UBE2Q1: variants seen among roughly 807,000 people sequenced by gnomAD.
UBE2Q1 encodes ubiquitin conjugating enzyme E2 Q1.
Under a neutral mutation model 60.1 loss-of-function variants are expected in UBE2Q1, and 6 were observed. The observed-to-expected ratio is 0.10, with a 90% confidence interval of 0.05 to 0.20. UBE2Q1 has a LOEUF of 0.20. Among genes scored for constraint, UBE2Q1 ranks in the 10% least tolerant of loss-of-function variants. UBE2Q1 has a pLI of 1.00. For missense variants in UBE2Q1, 262 were observed against 525.8 expected (o/e 0.50, Z 4.91); for synonymous variants, 226 against 208.3 (o/e 1.09, Z -0.73).
rs749142789 is a variant in UBE2Q1 at position 154,553,202 on chromosome 1, G to C, written c.589-30C>G. ...AGGAGGTGTGGGGTGGGAGTGAAAAGAAAAGGAAAAAAACCGACACAGGTT... is the reference window on the plus strand; with the variant it reads ...AGGAGGTGTGGGGTGGGAGTGAAAACAAAAGGAAAAAAACCGACACAGGTT... On this transcript the variant is annotated intron_variant, in intron 4 of 12. Coordinates refer to ENST00000292211, the MANE Select transcript of UBE2Q1 (RefSeq NM_017582.7). 28 of 1,589,384 alleles carry C rather than the reference G, an allele frequency of 1.8e-5. No individual in the cohort carries two copies. The African/African-American group carries it at 3.8e-4, about 22-fold the overall frequency.
At chr1:154,552,299 A>T in intron 7 of UBE2Q1, 105 bp downstream of exon 7, 1 of 1,589,584 alleles carries the variant, frequency 6.3e-7, no homozygotes, top group East Asian at 2.2e-5. Flanking sequence ...CCGCTCCGGG[A>T]CCCTGAATGA....
rs983805577 is a variant in UBE2Q1 at position 154,551,184 on chromosome 1, T to C, written c.1171-180A>G. 4.0e-5 allele frequency: 35 copies of C among 869,608 alleles called. No homozygotes were observed. In the Admixed American group the frequency reaches 8.3e-4, roughly 21 times the overall value. 53.9% of individuals were successfully genotyped at this position (869,608 alleles called of 1,614,324 possible). A position where few individuals can be genotyped will look rare whatever the true frequency, so the allele number is the denominator to read the frequency against. ...GAGGCATAATCCCATAGTCTTCCTT[T>C]TCCAGACCCGAAACCTCCCAAAAGT... On this transcript the variant is annotated intron_variant, in intron 11 of 12. Transcript: ENST00000292211.
chr1:154,551,882 G>A (rs1360387244), intron 9 of UBE2Q1, 39 bp downstream of exon 9: 2 of 1,614,152 alleles, frequency 1.2e-6, no homozygotes, highest in Non-Finnish European at 1.7e-6. Context: ...CCCGCCCTCT[G>A]CCAGAGGAGA....
Position 154,550,895 on chromosome 1 carries a change from G to A in UBE2Q1, c.1237+43C>T, listed in dbSNP as rs762908945. The A allele has an allele frequency of 5.0e-6, 8 of 1,613,822 alleles. No homozygotes were observed. The East Asian group carries it at 1.8e-4, about 36-fold the overall frequency. On this transcript the variant is annotated intron_variant, in intron 12 of 12. Transcript: ENST00000292211. Reference sequence around the variant, plus strand: ...TGTGGCTGGAAGTGAAAACCTGGGTGTGGCAAGTGTCCGAATCTCCTGAGT... The same window carrying A: ...TGTGGCTGGAAGTGAAAACCTGGGTATGGCAAGTGTCCGAATCTCCTGAGT...
intron 12 of UBE2Q1, 63 bp from the exon 13 acceptor site, chr1:154,550,532 A>C: frequency 6.2e-7 from 1 of 1,609,706 alleles, no homozygotes; most frequent in Admixed American, 1.7e-5. Flanking sequence ...GTCCTGCCCC[A>C]ATCCCTGAAG....
Position 154,552,130 on chromosome 1 carries a change from T to C in UBE2Q1, c.929A>G (p.Glu310Gly). Residue 310 changes from glutamate (E) to glycine (G), a missense_variant, in exon 8 of 13, where the codon GAA (glutamate) becomes GGA (glycine). Glu to Gly is a moderately conservative substitution (Grantham distance 98). Coordinates refer to ENST00000292211, the MANE Select transcript of UBE2Q1 (RefSeq NM_017582.7). ...GTTAAGTAGAATGAAGTCGGCTCCT[T>C]CTTTCTCTTTGAGGATCTGGAGATC... ...HNDLQILKEKEGADFILLNFS... is the reference protein window; with the variant it reads ...HNDLQILKEKGGADFILLNFS... 1.2e-6 allele frequency: 2 copies of C among 1,614,242 alleles called. No homozygotes were observed. The highest frequency in any genetic ancestry group is 1.1e-5 in the South Asian group (1 of 91,092).
At position 154,549,928 on chromosome 1, in the gene UBE2Q1, C is replaced by G. The variant is rs1695764098; in HGVS notation, c.*510G>C. On this transcript the variant is annotated 3_prime_UTR_variant, in exon 13 of 13. Coordinates refer to ENST00000292211, the MANE Select transcript of UBE2Q1 (RefSeq NM_017582.7). ...ACCCCTCCCCACCTCCCAAGTAGTT[C>G]AGGGGATGGGGTGGGATGTGCGAAT... 1 of 152,742 alleles carries G rather than the reference C, an allele frequency of 6.5e-6. No individual in the cohort carries two copies. Among genetic ancestry groups the G allele is most frequent in the Non-Finnish European group, 1.5e-5 (1 of 68,268 alleles). 9.5% of individuals were successfully genotyped at this position (152,742 alleles called of 1,614,324 possible). A position where few individuals can be genotyped will look rare whatever the true frequency, so the allele number is the denominator to read the frequency against.
rs1557844978 is a variant in UBE2Q1 at position 154,552,726 on chromosome 1, G to A, written c.814+10C>T. The A allele has an allele frequency of 1.2e-6, 2 of 1,613,206 alleles. No homozygotes were observed. The highest frequency in any genetic ancestry group is 8.5e-7 in the Non-Finnish European group (1 of 1,179,482). Reference sequence around the variant, plus strand: ...ACTCTTGTGCAGGCCCCTCTCTGGGGCAAACTCACCGCCTTTGAAACTCTG... The same window carrying A: ...ACTCTTGTGCAGGCCCCTCTCTGGGACAAACTCACCGCCTTTGAAACTCTG... On this transcript the variant is annotated intron_variant, in intron 6 of 12. Transcript: ENST00000292211.
chr1:154,551,289 C>G (rs967223989), intron 11 of UBE2Q1, 108 bp downstream of exon 11: 1 of 1,202,434 alleles, frequency 8.3e-7, no homozygotes, highest in Non-Finnish European at 1.2e-6. Flanking sequence ...GCCACCAGCC[C>G]GGGGGCCTTA....
At position 154,558,214 on chromosome 1, in the gene UBE2Q1, A is replaced by AG. The variant is rs1557846791; in HGVS notation, c.327+12dup. The AG allele has an allele frequency of 6.6e-7, 1 of 1,513,592 alleles. No individual in the cohort carries two copies. The highest frequency in any genetic ancestry group is 1.4e-5 in the African/African-American group (1 of 69,386). The allele number at this position is 1,513,592 out of a possible 1,614,324, so 93.8% of individuals were successfully genotyped here. On this transcript the variant is annotated intron_variant, in intron 1 of 12. Transcript: ENST00000292211. Reference sequence around the variant, plus strand: ...AGGGGCCCCCACAGAGGCGCACGCGAGGGGGTCCTCACCGTGATGTTGCAG... The same window carrying AG: ...AGGGGCCCCCACAGAGGCGCACGCGAGGGGGGTCCTCACCGTGATGTTGCAG...
At chr1:154,551,665 G>A in intron 10 of UBE2Q1, 106 bp downstream of exon 10, 1 of 1,534,396 alleles carries the variant, frequency 6.5e-7, no homozygotes, top group Non-Finnish European at 9.0e-7. Context: ...CCAGCAGAAT[G>A]AAAGGGCCAC....
intron 8 of UBE2Q1, 51 bp downstream of exon 8, chr1:154,552,042 C>T (rs1695798011): frequency 1.1e-5 from 17 of 1,613,966 alleles, no homozygotes; most frequent in Non-Finnish European, 1.4e-5. Flanking sequence ...GACTGTCAGG[C>T]AGACTGGGCA....
At chr1:154,551,593 T>C in intron 10 of UBE2Q1, 101 bp from the exon 11 acceptor site, 2 of 1,449,364 alleles carry the variant, frequency 1.4e-6, no homozygotes, top group East Asian at 2.3e-5. Context: ...AGGAGGGCCC[T>C]TGCCCTTTGC....
chr1:154,551,874 C>T (rs373987444), intron 9 of UBE2Q1, 47 bp downstream of exon 9: 51 of 1,614,086 alleles, frequency 3.2e-5, no homozygotes, highest in Non-Finnish European at 4.1e-5. Context: ...GTCTCTTCCC[C>T]GCCCTCTGCC....
chr1:154,557,311 C>T (rs1695908948), intron 1 of UBE2Q1, among the ~76,000 whole-genome samples: 1 of 152,198 alleles, frequency 6.6e-6, no homozygotes, highest in South Asian at 2.1e-4. Flanking sequence ...GAGAGAATAC[C>T]ATCACAGCAG....
At chr1:154,550,608 G>A (rs1428909817) in intron 12 of UBE2Q1, 139 bp from the exon 13 acceptor site, 1 of 1,518,246 alleles carries the variant, frequency 6.6e-7, no homozygotes, top group Admixed American at 2.2e-5. Context: ...GAGGTGTATG[G>A]GAAGCTGAGA....
intron 3 of UBE2Q1, 71 bp from the exon 4 acceptor site, chr1:154,554,856 C>T (rs1321540810): frequency 5.8e-5 from 88 of 1,527,724 alleles, no homozygotes; most frequent in Non-Finnish European, 7.5e-5. Context: ...CCAACCTACT[C>T]CCCTGAGCCC....
chr1:154,550,901 A>G (rs766110477), intron 12 of UBE2Q1, 37 bp downstream of exon 12: 79 of 1,613,788 alleles, frequency 4.9e-5, no homozygotes, highest in Non-Finnish European at 6.6e-5. Context: ...GGGTGTGGCA[A>G]GTGTCCGAAT....
rs1695783442 is a variant in UBE2Q1 at position 154,551,059 on chromosome 1, C to T, written c.1171-55G>A. On this transcript the variant is annotated intron_variant, in intron 11 of 12. Coordinates refer to ENST00000292211, the MANE Select transcript of UBE2Q1 (RefSeq NM_017582.7). ...ATGGCTAGCTGTGGCCTTACTGCCCCTCACCTTCTGCAGGCTGTCACCCAG... is the reference window on the plus strand; with the variant it reads ...ATGGCTAGCTGTGGCCTTACTGCCCTTCACCTTCTGCAGGCTGTCACCCAG... The T allele has an allele frequency of 1.9e-6, 3 of 1,601,582 alleles. No individual in the cohort carries two copies. In the African/African-American group the frequency reaches 4.0e-5, roughly 21 times the overall value.
Sources: allele counts gnomAD v4.1 joint callset (sites outside exome capture counted in the v4.1 genomes callset), GRCh38; gene constraint gnomAD v4.1.1; transcripts MANE v1.5; gene names NCBI Gene and HGNC (gene_info 2026-07-23, HGNC 2026-07-21).